ZNF385B: variants seen among roughly 807,000 people sequenced by gnomAD.
The protein encoded by ZNF385B is zinc finger protein 533.
ZNF385B carries 23 observed loss-of-function variants against 39.2 expected under a neutral mutation model. The observed-to-expected ratio is 0.59, with a 90% CI of 0.42 to 0.83. The LOEUF is 0.83. ZNF385B is among the 40% of genes least tolerant of loss of function. The probability of loss-of-function intolerance (pLI) is 0.00; values close to 1 mark genes in which losing one functional copy is unlikely to be tolerated. For synonymous variants in ZNF385B, 205 were observed against 222.6 expected (o/e 0.92, Z 0.70); for missense variants, 552 against 598.9 (o/e 0.92, Z 0.82).
At chr2:179,526,420 T>A (rs968091519) in intron 4 of ZNF385B, among the ~76,000 whole-genome samples, 6 of 150,698 alleles carry the variant, frequency 4.0e-5, no homozygotes, top group Admixed American at 4.0e-4. Context: ...AGAAACCCTG[T>A]CTCTACTAAA....
Position 179,769,795 on chromosome 2 carries a change from C to T in ZNF385B, c.6G>A (p.Arg2=), listed in dbSNP as rs749749807. The T allele has an allele frequency of 5.6e-6, 9 of 1,601,540 alleles. No homozygotes were observed. The African/African-American group carries it at 6.7e-5, about 12-fold the overall frequency. The change falls in exon 3 of 10, where the codon AGG becomes AGA. Residue 2 remains arginine (R), a synonymous_variant. Coordinates refer to ENST00000410066, the MANE Select transcript of ZNF385B (RefSeq NM_152520.6). M[R]YSLSPDNHLE... is the part of the protein sequence containing the mutation. The stretch of plus-strand genomic sequence containing the variant: ...GATGGTTGTCAGGGCTTAAGGAGTA[C>T]CTCATGCCTGAAAAACAAAACAAGT...
chr2:179,537,310 A>T (rs1364266809), intron 4 of ZNF385B, among the ~76,000 whole-genome samples: 1 of 139,656 alleles, frequency 7.2e-6, no homozygotes, highest in Non-Finnish European at 1.5e-5. Context: ...TCTCAAAAAA[A>T]AAAAAATAAA....
chr2:179,731,072 C>A (rs752012304), intron 3 of ZNF385B, among the ~76,000 whole-genome samples: 1 of 152,190 alleles, frequency 6.6e-6, no homozygotes, highest in Non-Finnish European at 1.5e-5. Flanking sequence ...ACTATTTCTT[C>A]AAGCAAAATA....
At chr2:179,609,698 T>C (rs1430059253) in intron 3 of ZNF385B, among the ~76,000 whole-genome samples, 9 of 152,224 alleles carry the variant, frequency 5.9e-5, no homozygotes, top group Non-Finnish European at 1.2e-4. Flanking sequence ...CCACCAACAG[T>C]GTACAAAGAG....
chr2:179,446,785 G>T lies in ZNF385B; in HGVS notation c.716-15C>A. The stretch of plus-strand genomic sequence containing the variant: ...CCCTTTATCTTCTAAGAGAAACACA[G>T]AGAGATCTTATTGAAGCCTCATATA... On this transcript the variant is annotated splice_polypyrimidine_tract_variant and intron_variant, in intron 6 of 9. Transcript: ENST00000410066. 6.3e-7 allele frequency: 1 copy of T among 1,596,198 alleles called. No homozygotes were observed. Among genetic ancestry groups the T allele is most frequent in the South Asian group, 1.1e-5 (1 of 87,482 alleles).
At chr2:179,732,480 C>G (rs1235865142) in intron 3 of ZNF385B, among the ~76,000 whole-genome samples, 1 of 152,078 alleles carries the variant, frequency 6.6e-6, no homozygotes, top group Non-Finnish European at 1.5e-5. Flanking sequence ...CCAATTTGGA[C>G]CAATTAGAAG....
At chr2:179,481,386 C>CTT (rs35443375) in intron 6 of ZNF385B, among the ~76,000 whole-genome samples, 9 of 148,952 alleles carry the variant, frequency 6.0e-5, no homozygotes, top group Middle Eastern at 3.4e-3. Context: ...TCATCTTTGA[C>CTT]TTTTTTTTTT....
chr2:179,567,990 T>C (rs910778279), intron 3 of ZNF385B, among the ~76,000 whole-genome samples: 2 of 152,190 alleles, frequency 1.3e-5, no homozygotes, highest in Non-Finnish European at 2.9e-5. Flanking sequence ...AATCTGATCA[T>C]GTCACTCCAG....
rs541408081 is a variant in ZNF385B, at chr2:179,496,661, A to G, written c.553-13227T>C. Among the ~76,000 whole-genome samples the G allele has an allele frequency of 2.0e-5, 3 of 152,358 alleles. No individual in the cohort carries two copies. The East Asian group carries it at 5.8e-4, about 29-fold the overall frequency. ...CAGCAGACTTTTCAGTAGAAATCTT[A>G]AAGGCCAGGAAAGAGTGGCATGACA... On this transcript the variant is annotated intron_variant, in intron 5 of 9. Transcript: ENST00000410066.
intron 6 of ZNF385B, among the ~76,000 whole-genome samples, chr2:179,467,450 A>G (rs372156712): frequency 2.6e-5 from 4 of 152,232 alleles, no homozygotes; most frequent in African/African-American, 9.6e-5. Flanking sequence ...GCCATTTTGT[A>G]GAAGTGGAAA....
At chr2:179,627,770 T>G (rs1690797323) in intron 3 of ZNF385B, among the ~76,000 whole-genome samples, 1 of 151,806 alleles carries the variant, frequency 6.6e-6, no homozygotes, top group Non-Finnish European at 1.5e-5. Context: ...ATTTAATATT[T>G]TACAAATGTC....
At chr2:179,707,265 G>A (rs1286162546) in intron 3 of ZNF385B, among the ~76,000 whole-genome samples, 2 of 152,180 alleles carry the variant, frequency 1.3e-5, no homozygotes, top group Non-Finnish European at 2.9e-5. Context: ...CTCCATCTAT[G>A]GGACATGGGG....
chr2:179,729,584 T>C (rs1430320748), intron 3 of ZNF385B, among the ~76,000 whole-genome samples: 1 of 152,230 alleles, frequency 6.6e-6, no homozygotes, highest in African/African-American at 2.4e-5. Flanking sequence ...CATGAAGTAC[T>C]CATCTTCACC....
intron 5 of ZNF385B, among the ~76,000 whole-genome samples, chr2:179,502,436 T>C (rs1388309177): frequency 6.6e-6 from 1 of 152,060 alleles, no homozygotes; most frequent in Admixed American, 6.5e-5. Context: ...TGGGAGGTGA[T>C]TGAATCTTGG....
chr2:179,645,237 T>C (rs111928131), intron 3 of ZNF385B, among the ~76,000 whole-genome samples: 28 of 152,330 alleles, frequency 1.8e-4, no homozygotes, highest in African/African-American at 6.5e-4. Flanking sequence ...GAATCATGTA[T>C]TGTGACACCC....
intron 3 of ZNF385B, among the ~76,000 whole-genome samples, chr2:179,565,037 T>C (rs1274301817): frequency 6.6e-6 from 1 of 152,200 alleles, no homozygotes; most frequent in Non-Finnish European, 1.5e-5. Flanking sequence ...TCCTTTTTCA[T>C]ACCCATTGCC....
At chr2:179,798,955 A>G (rs1373361872) in intron 1 of ZNF385B, among the ~76,000 whole-genome samples, 1 of 152,064 alleles carries the variant, frequency 6.6e-6, no homozygotes, top group Non-Finnish European at 1.5e-5. Flanking sequence ...TAAAAGAATA[A>G]TATTTTATAT....
At chr2:179,706,263 T>G (rs969082759) in intron 3 of ZNF385B, among the ~76,000 whole-genome samples, 2 of 152,160 alleles carry the variant, frequency 1.3e-5, no homozygotes, top group Non-Finnish European at 2.9e-5. Flanking sequence ...GAGAGGATGC[T>G]AAGTGAAAAT....
At chr2:179,595,010 G>A (rs562841231) in intron 3 of ZNF385B, among the ~76,000 whole-genome samples, 29 of 152,144 alleles carry the variant, frequency 1.9e-4, no homozygotes, top group Admixed American at 9.8e-4. Context: ...AAACTTTGTA[G>A]ACCTGTGATA....
Sources: allele counts gnomAD v4.1 joint callset (sites outside exome capture counted in the v4.1 genomes callset), GRCh38; gene constraint gnomAD v4.1.1; transcripts MANE v1.5; gene names NCBI Gene and HGNC (gene_info 2026-07-23, HGNC 2026-07-21).